Variants in TMEM266 observed in about 807,000 individuals in gnomAD.
TMEM266 encodes the protein Hv1 related protein 1.
Under a neutral mutation model 50.5 loss-of-function variants are expected in TMEM266, and 33 were observed. The ratio of observed to expected loss-of-function variants is 0.65; its 90% confidence interval spans 0.50 to 0.87. TMEM266 has a LOEUF of 0.87. Ranked by LOEUF, TMEM266 falls within the 40% of genes least tolerant of loss-of-function variation. The probability of loss-of-function intolerance (pLI) is 0.00; values close to 1 mark genes in which losing one functional copy is unlikely to be tolerated. For missense variants in TMEM266, 655 were observed against 695.1 expected (o/e 0.94, Z 0.65); for synonymous variants, 310 against 292.3 (o/e 1.06, Z -0.62).
At chr15:76,127,649 C>T (rs2037444036) in intron 1 of TMEM266, among the ~76,000 whole-genome samples, 1 of 152,124 alleles carries the variant, frequency 6.6e-6, no homozygotes, top group African/African-American at 2.4e-5. Flanking sequence ...GCCTAAGTCA[C>T]TGCTAGGTAT....
At chr15:76,094,413 A>T (rs1407908093) in intron 1 of TMEM266, among the ~76,000 whole-genome samples, 2 of 152,114 alleles carry the variant, frequency 1.3e-5, no homozygotes, top group Non-Finnish European at 2.9e-5. Flanking sequence ...TTTGTCAAAG[A>T]TCAGATGGTT....
chr15:76,114,625 T>A (rs2037220367), intron 1 of TMEM266, among the ~76,000 whole-genome samples: 1 of 152,262 alleles, frequency 6.6e-6, no homozygotes, highest in Non-Finnish European at 1.5e-5. Flanking sequence ...TTTTTCAAAT[T>A]ACTGTATAGT....
chr15:76,107,902 A>G (rs1264408269), intron 1 of TMEM266, among the ~76,000 whole-genome samples: 1 of 152,242 alleles, frequency 6.6e-6, no homozygotes, highest in Non-Finnish European at 1.5e-5. Flanking sequence ...TAGGAGTTCA[A>G]CATCTGAAGC....
Position 76,137,900 on chromosome 15 carries a change from G to T in TMEM266, c.227+5G>T. Reference sequence around the variant, plus strand: ...CGAAGATTACCAAAGAGAAGGGTAGGTGCTGGGACCATTGAGCTAGCTAAG... The same window carrying T: ...CGAAGATTACCAAAGAGAAGGGTAGTTGCTGGGACCATTGAGCTAGCTAAG... On this transcript the variant is annotated splice_donor_5th_base_variant and intron_variant, in intron 3 of 10. Coordinates refer to ENST00000388942, the MANE Select transcript of TMEM266 (RefSeq NM_152335.3). 6.4e-7 allele frequency: 1 copy of T among 1,555,534 alleles called. No homozygotes were observed. The highest frequency in any genetic ancestry group is 8.7e-7 in the Non-Finnish European group (1 of 1,152,640).
Position 76,153,963 on chromosome 15 carries a change from G to T in TMEM266, c.228-2641G>T, listed in dbSNP as rs184869064. ...GTCATCTGAGCACCTGGCTTCCCTG[G>T]CCAGGTCCCTCCCTCCTGCCCCTTC... On this transcript the variant is annotated intron_variant, in intron 3 of 10. Transcript: ENST00000388942. This position sits in a 1 kb window ranked among gnomAD's most constrained non-coding sequence, Gnocchi z 4.2. 6.6e-6 allele frequency among the ~76,000 whole-genome samples: 1 copy of T among 152,280 alleles called. No homozygotes were observed. The highest frequency in any genetic ancestry group is 6.5e-5 in the Admixed American group (1 of 15,302).
intron 1 of TMEM266, among the ~76,000 whole-genome samples, chr15:76,078,747 C>T (rs746952223): frequency 6.6e-6 from 1 of 152,148 alleles, no homozygotes; most frequent in Non-Finnish European, 1.5e-5. Context: ...AACCTCAACT[C>T]GTGTATGAGT....
At chr15:76,192,459 A>G (rs1183773014) in intron 9 of TMEM266, among the ~76,000 whole-genome samples, 1 of 152,004 alleles carries the variant, frequency 6.6e-6, no homozygotes, top group African/African-American at 2.4e-5. Context: ...TAGCCGGAGG[A>G]GGAGGTGTGA....
chr15:76,175,844 G>C, intron 8 of TMEM266, 170 bp downstream of exon 8: 1 of 568,234 alleles, frequency 1.8e-6, no homozygotes. Context: ...ACATCTCCAG[G>C]TTCACTGATG....
At chr15:76,067,807 G>T (rs1429482363) in intron 1 of TMEM266, among the ~76,000 whole-genome samples, 1 of 151,560 alleles carries the variant, frequency 6.6e-6, no homozygotes, top group Non-Finnish European at 1.5e-5. Context: ...AGTGCTCAAA[G>T]TACTTGTCGG....
chr15:76,198,589 G>A (rs1354301185), intron 9 of TMEM266, among the ~76,000 whole-genome samples: 1 of 152,244 alleles, frequency 6.6e-6, no homozygotes, highest in African/African-American at 2.4e-5. Flanking sequence ...TGGAGTAGGG[G>A]TGGAGGCTGG....
intron 3 of TMEM266, among the ~76,000 whole-genome samples, chr15:76,151,684 A>G (rs1477598851): frequency 3.3e-5 from 5 of 152,040 alleles, no homozygotes. Flanking sequence ...TCCCTTTGCC[A>G]TACCCCCTTT....
At chr15:76,107,279 A>G (rs965204422) in intron 1 of TMEM266, among the ~76,000 whole-genome samples, 6 of 152,118 alleles carry the variant, frequency 3.9e-5, no homozygotes, top group Non-Finnish European at 7.4e-5. Flanking sequence ...TCCAGTGTGT[A>G]TTTTACAAGC....
intron 8 of TMEM266, among the ~76,000 whole-genome samples, chr15:76,181,719 C>T (rs1161799616): frequency 2.6e-5 from 4 of 152,134 alleles, no homozygotes; most frequent in Non-Finnish European, 5.9e-5. Context: ...GTCTTGGCTG[C>T]TTCAGAAACC....
At chr15:76,202,600 A>G (rs1567187648) in intron 10 of TMEM266, among the ~76,000 whole-genome samples, 1 of 152,172 alleles carries the variant, frequency 6.6e-6, no homozygotes, top group Non-Finnish European at 1.5e-5. Context: ...CAAGGTGGGC[A>G]CAGTGGAGGC....
At chr15:76,081,200 G>T (rs867919838) in intron 1 of TMEM266, among the ~76,000 whole-genome samples, 2 of 152,330 alleles carry the variant, frequency 1.3e-5, no homozygotes, top group South Asian at 4.1e-4. Context: ...AAGAAGGCAA[G>T]TCTCCGTGTT....
chr15:76,064,963 C>T (rs1262174977), intron 1 of TMEM266, among the ~76,000 whole-genome samples: 2 of 152,206 alleles, frequency 1.3e-5, no homozygotes, highest in African/African-American at 2.4e-5. Context: ...CAATACAATG[C>T]ATAAGGCCAA....
chr15:76,070,748 G>C (rs1319644535), intron 1 of TMEM266, among the ~76,000 whole-genome samples: 1 of 152,176 alleles, frequency 6.6e-6, no homozygotes, highest in East Asian at 1.9e-4. Context: ...ACATTGCAAG[G>C]GTAGGGAGAA....
intron 1 of TMEM266, among the ~76,000 whole-genome samples, chr15:76,123,618 A>G (rs1454040727): frequency 1.3e-5 from 2 of 152,204 alleles, no homozygotes; most frequent in Non-Finnish European, 2.9e-5. Context: ...GCATACAATT[A>G]GTTACCTATG....
rs1304898113 is a variant in TMEM266 at position 76,204,319 on chromosome 15, C to A, written c.*4C>A. On this transcript the variant is annotated 3_prime_UTR_variant, in exon 11 of 11. Coordinates refer to ENST00000388942, the MANE Select transcript of TMEM266 (RefSeq NM_152335.3). The stretch of plus-strand genomic sequence containing the variant: ...GCACAGGGTCCCTGAGGCCTAGAGC[C>A]TGCCATGGGCTGGGTGAGATGAGGG... 5.0e-6 allele frequency: 8 copies of A among 1,589,040 alleles called. No individual in the cohort carries two copies. The highest frequency in any genetic ancestry group is 3.4e-5 in the Admixed American group (2 of 58,850).
Sources: allele counts gnomAD v4.1 joint callset (sites outside exome capture counted in the v4.1 genomes callset), GRCh38; gene constraint gnomAD v4.1.1; non-coding constraint Gnocchi (gnomAD v3.1); transcripts MANE v1.5; gene names NCBI Gene and HGNC (gene_info 2026-07-23, HGNC 2026-07-21).